SLC24A5: variants seen among roughly 807,000 people sequenced by gnomAD.
SLC24A5 encodes solute carrier family 24 member 5, also known as sodium/potassium/calcium exchanger 5.
In SLC24A5, 46 loss-of-function variants were observed where a neutral mutation model predicts 51.6. That is an observed-to-expected ratio of 0.89 (90% CI 0.70 to 1.14). The LOEUF is 1.14. Ranked by LOEUF, SLC24A5 falls within the 50% of genes most tolerant of loss-of-function variation. The pLI, the probability that SLC24A5 is intolerant of heterozygous loss-of-function variation, is 0.00. For synonymous variants in SLC24A5, 230 were observed against 214.9 expected (o/e 1.07, Z -0.62); for missense variants, 581 against 604.1 (o/e 0.96, Z 0.40).
intron 6 of SLC24A5, chr15:48,138,302 T>C (rs1479599956): frequency 6.6e-6 from 1 of 152,008 alleles, no homozygotes; most frequent in Non-Finnish European, 1.5e-5. Context: ...ATCCAATATA[T>C]TATCATTATC....
intron 2 of SLC24A5, among the ~76,000 whole-genome samples, chr15:48,129,849 G>A (rs756877342): frequency 6.6e-6 from 1 of 151,948 alleles, no homozygotes; most frequent in African/African-American, 2.4e-5. Context: ...AGATTGTGTG[G>A]TCTGATCCTC....
intron 3 of SLC24A5, 23 bp downstream of exon 3, chr15:48,134,364 C>T (rs776380056): frequency 1.2e-6 from 2 of 1,611,768 alleles, no homozygotes; most frequent in Non-Finnish European, 1.7e-6. Flanking sequence ...CCTTATACTT[C>T]TTGCTTACTC....
chr15:48,125,656 T>C (rs987509079), intron 2 of SLC24A5, among the ~76,000 whole-genome samples: 3 of 152,168 alleles, frequency 2.0e-5, no homozygotes, highest in Non-Finnish European at 4.4e-5. Flanking sequence ...ATAAAGAGAA[T>C]ACATTGAATT....
chr15:48,136,738 T>C lies in SLC24A5; in HGVS notation c.646T>C (p.Phe216Leu). ...IYGLYVLVLCFDIKINQYIIK... is the reference protein window; with the variant it reads ...IYGLYVLVLCLDIKINQYIIK... ...TGGATTGTATGTTTTGGTGCTGTGTTTTGACATTAAAATTAACCAATATAT... is the reference window on the plus strand; with the variant it reads ...TGGATTGTATGTTTTGGTGCTGTGTCTTGACATTAAAATTAACCAATATAT... Residue 216 changes from phenylalanine (F) to leucine (L), a missense_variant, in exon 6 of 9, where the codon TTT (phenylalanine) becomes CTT (leucine). Physicochemically the swap from Phe to Leu is conservative, Grantham distance 22. Transcript: ENST00000341459. 6.2e-7 allele frequency: 1 copy of C among 1,613,590 alleles called. No homozygotes were observed. The highest frequency in any genetic ancestry group is 8.5e-7 in the Non-Finnish European group (1 of 1,179,780).
At chr15:48,127,937 T>C (rs965692237) in intron 2 of SLC24A5, among the ~76,000 whole-genome samples, 19 of 151,504 alleles carry the variant, frequency 1.3e-4, no homozygotes, top group Non-Finnish European at 2.2e-4. Flanking sequence ...GTTTAAAAAG[T>C]CACTTTTAAA....
rs1174559385 is a variant in SLC24A5 at position 48,141,315 on chromosome 15, G to A, written c.1180+101G>A. 36 of 945,240 alleles carry A rather than the reference G, an allele frequency of 3.8e-5. No homozygotes were observed. In the South Asian group the frequency reaches 4.8e-4, roughly 13 times the overall value. The allele number at this position is 945,240 out of a possible 1,614,324, so 58.6% of individuals were successfully genotyped here. ...TACTTCCAGCCGGGTGTGGTGGCTC[G>A]CGCCTGTAATCCCAGGATTTTGGGA... On this transcript the variant is annotated intron_variant, in intron 8 of 8. Transcript: ENST00000341459.
intron 2 of SLC24A5, among the ~76,000 whole-genome samples, chr15:48,126,097 C>A (rs938402276): frequency 6.6e-6 from 1 of 152,160 alleles, no homozygotes; most frequent in Non-Finnish European, 1.5e-5. Flanking sequence ...TCTTTTGGAC[C>A]TATGTATGTT....
rs537540221 is a variant in SLC24A5, at chr15:48,141,355, G to A, written c.1180+141G>A. 11 of 567,296 alleles carry A rather than the reference G, an allele frequency of 1.9e-5. 1 individual carries two copies. The highest frequency in any genetic ancestry group is 7.6e-4 in the Middle Eastern group (2 of 2,616). 35.1% of individuals were successfully genotyped at this position (567,296 alleles called of 1,614,324 possible). On this transcript the variant is annotated intron_variant, in intron 8 of 8. Coordinates refer to ENST00000341459, the MANE Select transcript of SLC24A5 (RefSeq NM_205850.3). Reference sequence around the variant, plus strand: ...GGATTTTGGGAGGCCGAGGCGGGTGGATCACGAGGTCAGGAGTTTGAGACC... The same window carrying A: ...GGATTTTGGGAGGCCGAGGCGGGTGAATCACGAGGTCAGGAGTTTGAGACC...
chr15:48,130,645 C>T (rs969269850), intron 2 of SLC24A5, among the ~76,000 whole-genome samples: 2 of 152,080 alleles, frequency 1.3e-5, no homozygotes, highest in Non-Finnish European at 2.9e-5. Flanking sequence ...TTTCTTCCAC[C>T]TATTTATTAT....
At chr15:48,128,149 G>C (rs909360810) in intron 2 of SLC24A5, among the ~76,000 whole-genome samples, 2 of 151,874 alleles carry the variant, frequency 1.3e-5, no homozygotes, top group East Asian at 1.9e-4. Flanking sequence ...CAGAGGTATT[G>C]AACCACTGTT....
intron 5 of SLC24A5, chr15:48,135,541 G>A (rs929355594): frequency 6.6e-6 from 1 of 152,436 alleles, no homozygotes; most frequent in African/African-American, 2.4e-5. Flanking sequence ...CCAAGAAAAT[G>A]AAAAAGGTGG....
intron 5 of SLC24A5, chr15:48,136,450 G>T (rs182034509): frequency 5.6e-5 from 20 of 357,704 alleles, no homozygotes; most frequent in African/African-American, 4.2e-4. Flanking sequence ...CGAGTTTGTT[G>T]ATCTTGTTTT....
At chr15:48,123,629 A>G (rs2038701956) in intron 2 of SLC24A5, 1 of 152,154 alleles carries the variant, frequency 6.6e-6, no homozygotes, top group Non-Finnish European at 1.5e-5. Flanking sequence ...CTCTCATTGG[A>G]CATTTGGCCT....
intron 1 of SLC24A5, 53 bp from the exon 2 acceptor site, chr15:48,121,804 T>C (rs2140702982): frequency 1.3e-6 from 2 of 1,577,192 alleles, no homozygotes; most frequent in East Asian, 4.5e-5. Context: ...CTCTGTGGGC[T>C]TGGAATGTGT....
chr15:48,134,115 G>T, intron 2 of SLC24A5, 143 bp from the exon 3 acceptor site: 2 of 692,878 alleles, frequency 2.9e-6, no homozygotes, highest in Non-Finnish European at 2.4e-6. Flanking sequence ...CAAAACATTG[G>T]ACTCTTTTAA....
At chr15:48,121,570 G>C (rs891524742) in intron 1 of SLC24A5, among the ~76,000 whole-genome samples, 1 of 152,194 alleles carries the variant, frequency 6.6e-6, no homozygotes, top group Non-Finnish European at 1.5e-5. Flanking sequence ...ACTTGGGGAA[G>C]AGAGATTCAG....
Position 48,142,474 on chromosome 15 carries a change from T to G in SLC24A5, c.*123T>G, listed in dbSNP as rs1033992357. On this transcript the variant is annotated 3_prime_UTR_variant, in exon 9 of 9. Transcript: ENST00000341459. The stretch of plus-strand genomic sequence containing the variant: ...CTTAGAATCTAAAACTTACAGTAAT[T>G]TAAAACCAACCAAAATCACATCCTA... 1.3e-6 allele frequency: 1 copy of G among 753,140 alleles called. No individual in the cohort carries two copies. Among genetic ancestry groups the G allele is most frequent in the Non-Finnish European group, 1.9e-6 (1 of 515,550 alleles). 46.7% of individuals were successfully genotyped at this position (753,140 alleles called of 1,614,324 possible).
chr15:48,134,255 C>T lies in SLC24A5; in HGVS notation c.302-3C>T. 1 of 1,612,632 alleles carries T rather than the reference C, an allele frequency of 6.2e-7. No homozygotes were observed. The highest frequency in any genetic ancestry group is 8.5e-7 in the Non-Finnish European group (1 of 1,178,908). On this transcript the variant is annotated splice_region_variant and splice_polypyrimidine_tract_variant and intron_variant, in intron 2 of 8. Coordinates refer to ENST00000341459, the MANE Select transcript of SLC24A5 (RefSeq NM_205850.3). Reference sequence around the variant, plus strand: ...GCATAACAATCATTTCATTTATGTTCAGCCCTTGGATTGTCTCAGGATGTT... The same window carrying T: ...GCATAACAATCATTTCATTTATGTTTAGCCCTTGGATTGTCTCAGGATGTT...
In SLC24A5 at chr15:48,142,336, G is replaced by T; in HGVS notation, c.1488G>T (p.Arg496Ser). ...GAATTATTGGAAATAATAAAATAAG[G>T]GGCTGTGGAGGTTGATATTATTAAT... The part of the protein sequence containing the change: ...ELGIIGNNKI[R>S]GCGG The change falls in exon 9 of 9, where the codon AGG (arginine) becomes AGT (serine). Residue 496 changes from arginine (R) to serine (S), a missense_variant. Physicochemically the swap from Arg to Ser is moderately radical, Grantham distance 110 (BLOSUM62 -1). Coordinates refer to ENST00000341459, the MANE Select transcript of SLC24A5 (RefSeq NM_205850.3). The T allele has an allele frequency of 1.9e-6, 3 of 1,597,452 alleles. No homozygotes were observed. The highest frequency in any genetic ancestry group is 2.6e-6 in the Non-Finnish European group (3 of 1,171,034).
Sources: gnomAD v4.1 joint callset for allele counts (sites outside exome capture counted in the v4.1 genomes callset) on GRCh38, gnomAD v4.1.1 for gene constraint, MANE v1.5 for transcripts, NCBI Gene and HGNC (gene_info 2026-07-23, HGNC 2026-07-21) for gene names.